ENTREP1: variants seen among roughly 807,000 people sequenced by gnomAD.
ENTREP1 encodes the protein Friedreich ataxia region gene X123.
At chr9:69,355,787 C>T in the ENTREP1 span, among the ~76,000 whole-genome samples, 5 of 152,206 alleles carry the variant, frequency 3.3e-5, no homozygotes, top group African/African-American at 1.2e-4. Context: ...GCAAGTGATA[C>T]TGGCTGTTGC....
At chr9:69,374,680 C>G in the ENTREP1 span, among the ~76,000 whole-genome samples, 1 of 151,962 alleles carries the variant, frequency 6.6e-6, no homozygotes, top group Admixed American at 6.6e-5. Flanking sequence ...AATGTACAGG[C>G]AGGATTAAGA....
the ENTREP1 span, among the ~76,000 whole-genome samples, chr9:69,348,478 A>G: frequency 6.6e-6 from 1 of 152,318 alleles, no homozygotes; most frequent in South Asian, 2.1e-4. Flanking sequence ...ACACATTTAA[A>G]GTATACAATT....
At chr9:69,333,127 C>T in the ENTREP1 span, among the ~76,000 whole-genome samples, 1 of 151,672 alleles carries the variant, frequency 6.6e-6, no homozygotes, top group African/African-American at 2.4e-5. Flanking sequence ...TACACATAGA[C>T]ATGTGTGTGT....
the ENTREP1 span, among the ~76,000 whole-genome samples, chr9:69,359,148 C>T: frequency 1.3e-5 from 2 of 151,990 alleles, no homozygotes; most frequent in South Asian, 2.1e-4. Flanking sequence ...TCAAGTGACC[C>T]GCCCGCCTCA....
chr9:69,339,808 C>G, the ENTREP1 span, among the ~76,000 whole-genome samples: 1 of 152,218 alleles, frequency 6.6e-6, no homozygotes, highest in African/African-American at 2.4e-5. Context: ...TCTTCTGGCT[C>G]TCAGCTCAGC....
the ENTREP1 span, among the ~76,000 whole-genome samples, chr9:69,346,639 T>G: frequency 6.6e-6 from 1 of 152,264 alleles, no homozygotes; most frequent in East Asian, 1.9e-4. Flanking sequence ...ATTATATCAT[T>G]CAGACTTTGC....
At chr9:69,324,936 C>T in the ENTREP1 span, 1 of 985,074 alleles carries the variant, frequency 1.0e-6, no homozygotes, top group South Asian at 4.7e-5. Flanking sequence ...CCTCGAGGGA[C>T]TTACTTAAAT....
the ENTREP1 span, among the ~76,000 whole-genome samples, chr9:69,326,844 A>G: frequency 6.6e-6 from 1 of 151,894 alleles, no homozygotes; most frequent in African/African-American, 2.4e-5. Flanking sequence ...GATTAGAGGC[A>G]TGAGCCACCA....
chr9:69,369,033 A>G, the ENTREP1 span, among the ~76,000 whole-genome samples: 1,211 of 152,038 alleles, frequency 8.0e-3, 8 homozygotes, highest in Middle Eastern at 0.041. Flanking sequence ...CCCTGTGTCC[A>G]TGTGTTCTCA....
At chr9:69,325,075 G>A in the ENTREP1 span, 4 of 985,254 alleles carry the variant, frequency 4.1e-6, no homozygotes, top group Non-Finnish European at 1.2e-6. Flanking sequence ...GTGAGGGTGC[G>A]CCCAGGGCCA....
At chr9:69,384,318 A>G in the ENTREP1 span, among the ~76,000 whole-genome samples, 1 of 152,224 alleles carries the variant, frequency 6.6e-6, no homozygotes, top group East Asian at 1.9e-4. Context: ...ACCATCAACT[A>G]TTAGGGCTTA....
chr9:69,368,352 A>T, the ENTREP1 span, among the ~76,000 whole-genome samples: 1 of 151,962 alleles, frequency 6.6e-6, no homozygotes, highest in Non-Finnish European at 1.5e-5. Flanking sequence ...GGTCCTTATT[A>T]TGTTGAGGTA....
the ENTREP1 span, chr9:69,379,902 C>T: frequency 6.6e-6 from 1 of 152,312 alleles, no homozygotes; most frequent in Non-Finnish European, 1.5e-5. Flanking sequence ...TTCTCTGCTT[C>T]ACCATAATAA....
the ENTREP1 span, among the ~76,000 whole-genome samples, chr9:69,365,470 A>G: frequency 1.3e-5 from 2 of 152,194 alleles, no homozygotes; most frequent in Non-Finnish European, 2.9e-5. Flanking sequence ...TGATCAAATC[A>G]GGGTATTTAG....
chr9:69,383,902 G>T, the ENTREP1 span: 1 of 1,575,126 alleles, frequency 6.3e-7, no homozygotes, highest in South Asian at 1.1e-5. Flanking sequence ...AATGAGGGGT[G>T]AGTTAAACAT....
chr9:69,354,224 C>G, the ENTREP1 span, among the ~76,000 whole-genome samples: 1 of 149,096 alleles, frequency 6.7e-6, no homozygotes, highest in Non-Finnish European at 1.5e-5. Context: ...ATCAGTAAGT[C>G]CCTCTTTCTC....
the ENTREP1 span, among the ~76,000 whole-genome samples, chr9:69,343,188 T>G: frequency 6.6e-6 from 1 of 152,232 alleles, no homozygotes; most frequent in Admixed American, 6.5e-5. Flanking sequence ...TTCATGCCCT[T>G]TGTTCTGAAG....
the ENTREP1 span, among the ~76,000 whole-genome samples, chr9:69,345,929 A>G: frequency 6.6e-6 from 1 of 151,716 alleles, no homozygotes; most frequent in Admixed American, 6.6e-5. Context: ...ATTAAAAATA[A>G]TTAGACCTCT....
the ENTREP1 span, among the ~76,000 whole-genome samples, chr9:69,331,109 TA>T: frequency 6.6e-6 from 1 of 152,112 alleles, no homozygotes; most frequent in African/African-American, 2.4e-5. Flanking sequence ...ACACATTTTT[TA>T]AAAAGTTGCC....
Sources: allele counts gnomAD v4.1 joint callset (sites outside exome capture counted in the v4.1 genomes callset), GRCh38; gene constraint gnomAD v4.1.1; transcripts MANE v1.5; gene names NCBI Gene and HGNC (gene_info 2026-07-23, HGNC 2026-07-21).